FAM171A1: variants seen among roughly 807,000 people sequenced by gnomAD.
The protein encoded by FAM171A1 is family with sequence similarity 171 member A1, also known as protein FAM171A1.
A neutral mutation model predicts 74.9 loss-of-function variants in FAM171A1; 23 were observed. That is an observed-to-expected ratio of 0.31 (90% confidence interval 0.22 to 0.44). The LOEUF (loss-of-function observed/expected upper bound fraction) is 0.44, where lower values mean the gene tolerates loss of function less well. Among genes scored for constraint, FAM171A1 ranks in the 20% least tolerant of loss-of-function variants. FAM171A1 has a pLI of 1.00. For synonymous variants in FAM171A1, 527 were observed against 505.7 expected (o/e 1.04, Z -0.57); for missense variants, 1,162 against 1,159.2 (o/e 1.00, Z -0.03).
intron 1 of FAM171A1, among the ~76,000 whole-genome samples, chr10:15,332,989 C>T (rs1202960913): frequency 6.6e-6 from 1 of 152,198 alleles, no homozygotes; most frequent in Non-Finnish European, 1.5e-5. Context: ...CACCAAATAC[C>T]TCCTATAGTG....
chr10:15,229,418 T>C (rs1196760352), intron 5 of FAM171A1, among the ~76,000 whole-genome samples: 1 of 151,826 alleles, frequency 6.6e-6, no homozygotes, highest in Non-Finnish European at 1.5e-5. Flanking sequence ...ATCATCATCA[T>C]CGTCATCACC....
chr10:15,344,526 C>T (rs1835798456), intron 1 of FAM171A1, among the ~76,000 whole-genome samples: 1 of 152,302 alleles, frequency 6.6e-6, no homozygotes, highest in Admixed American at 6.5e-5. Context: ...GCCTAGGTGA[C>T]AGAGCAACAC....
intron 5 of FAM171A1, among the ~76,000 whole-genome samples, chr10:15,226,655 C>T (rs1234838208): frequency 6.6e-6 from 1 of 152,174 alleles, no homozygotes; most frequent in East Asian, 1.9e-4. Flanking sequence ...AATGTGAATA[C>T]AATTTTGACT....
chr10:15,263,879 CT>C (rs1182365769), intron 3 of FAM171A1, among the ~76,000 whole-genome samples: 1 of 151,200 alleles, frequency 6.6e-6, no homozygotes, highest in Non-Finnish European at 1.5e-5. Flanking sequence ...ATCTATCTAT[CT>C]ATCTATCTAT....
At chr10:15,365,121 C>T (rs1005578283) in intron 1 of FAM171A1, among the ~76,000 whole-genome samples, 11 of 152,298 alleles carry the variant, frequency 7.2e-5, no homozygotes, top group African/African-American at 2.4e-4. Context: ...GTTTCCTCAT[C>T]TCCAGAACAA....
chr10:15,340,282 T>G (rs1413533929), intron 1 of FAM171A1, among the ~76,000 whole-genome samples: 1 of 152,128 alleles, frequency 6.6e-6, no homozygotes, highest in Non-Finnish European at 1.5e-5. Context: ...GGGATTTTGT[T>G]GTTGCTTGTA....
intron 5 of FAM171A1, among the ~76,000 whole-genome samples, chr10:15,224,806 G>A (rs1834084384): frequency 6.6e-6 from 1 of 152,134 alleles, no homozygotes; most frequent in Non-Finnish European, 1.5e-5. Context: ...TCTCAGGTAT[G>A]TCTTTATCAG....
intron 2 of FAM171A1, among the ~76,000 whole-genome samples, chr10:15,281,638 G>A (rs983286638): frequency 3.9e-5 from 6 of 152,174 alleles, no homozygotes; most frequent in African/African-American, 1.2e-4. Flanking sequence ...GAGGCAAGTG[G>A]ATCACCTGAG....
intron 1 of FAM171A1, among the ~76,000 whole-genome samples, chr10:15,294,555 G>A (rs1425397398): frequency 6.6e-6 from 1 of 152,226 alleles, no homozygotes; most frequent in Non-Finnish European, 1.5e-5. Context: ...ACGATTCAGA[G>A]CTCCTCTGCT....
At chr10:15,345,783 G>C (rs542417874) in intron 1 of FAM171A1, among the ~76,000 whole-genome samples, 46 of 152,130 alleles carry the variant, frequency 3.0e-4, no homozygotes, top group Non-Finnish European at 6.0e-4. Context: ...AAGCTGAGGA[G>C]AGCAAAGGTG....
chr10:15,277,359 A>G (rs1471948666), intron 2 of FAM171A1, among the ~76,000 whole-genome samples: 1 of 152,114 alleles, frequency 6.6e-6, no homozygotes, highest in Non-Finnish European at 1.5e-5. Flanking sequence ...CTGGGATTAC[A>G]GGCACCTGCC....
chr10:15,328,162 G>A (rs756032202), intron 1 of FAM171A1, among the ~76,000 whole-genome samples: 9 of 150,842 alleles, frequency 6.0e-5, no homozygotes, highest in Admixed American at 1.3e-4. Context: ...AATTTTTTCC[G>A]AGATGGAGTT....
At chr10:15,218,591 G>A (rs1412826444) in intron 6 of FAM171A1, among the ~76,000 whole-genome samples, 1 of 151,866 alleles carries the variant, frequency 6.6e-6, no homozygotes, top group African/African-American at 2.4e-5. Flanking sequence ...AGGCTGTAGT[G>A]GGTATGCTTT....
chr10:15,231,132 T>C (rs1224984861), intron 5 of FAM171A1, among the ~76,000 whole-genome samples: 4 of 152,222 alleles, frequency 2.6e-5, no homozygotes, highest in Admixed American at 2.6e-4. Flanking sequence ...CTAAAGAGCT[T>C]GTTGACACAG....
At chr10:15,354,528 G>A (rs1263423095) in intron 1 of FAM171A1, among the ~76,000 whole-genome samples, 1 of 151,912 alleles carries the variant, frequency 6.6e-6, no homozygotes, top group Non-Finnish European at 1.5e-5. Flanking sequence ...AACTTTCAAG[G>A]CAATGAACTT....
intron 1 of FAM171A1, among the ~76,000 whole-genome samples, chr10:15,362,139 A>G (rs1286816678): frequency 6.6e-6 from 1 of 152,218 alleles, no homozygotes; most frequent in South Asian, 2.1e-4. Flanking sequence ...TCCACATTTG[A>G]TCATCTTATC....
At chr10:15,312,000 T>C (rs552783121) in intron 1 of FAM171A1, among the ~76,000 whole-genome samples, 12 of 152,288 alleles carry the variant, frequency 7.9e-5, no homozygotes, top group Non-Finnish European at 1.5e-4. Flanking sequence ...TCAGCCCCAT[T>C]TTTAAAGACA....
At chr10:15,267,511 G>A (rs565020804) in intron 3 of FAM171A1, among the ~76,000 whole-genome samples, 11 of 144,412 alleles carry the variant, frequency 7.6e-5, no homozygotes, top group African/African-American at 2.3e-4. Flanking sequence ...GCTAAGGCAG[G>A]AGAATCACTT....
upstream of FAM171A1, among the ~76,000 whole-genome samples, chr10:15,373,881 C>G (rs1836175995): frequency 6.6e-6 from 1 of 152,154 alleles, no homozygotes; most frequent in Non-Finnish European, 1.5e-5. Flanking sequence ...GGTTCACAAT[C>G]TTAACTGTAT....
Sources: gnomAD v4.1 joint callset for allele counts (sites outside exome capture counted in the v4.1 genomes callset) on GRCh38, gnomAD v4.1.1 for gene constraint, MANE v1.5 for transcripts, NCBI Gene and HGNC (gene_info 2026-07-23, HGNC 2026-07-21) for gene names.